SPATA17: variants seen among roughly 807,000 people sequenced by gnomAD.
The protein encoded by SPATA17 is spermatogenesis associated 17.
SPATA17 carries 53 observed loss-of-function variants against 62.2 expected under a neutral mutation model. The ratio of observed to expected loss-of-function variants is 0.85; its 90% CI spans 0.68 to 1.07. SPATA17 has a LOEUF of 1.07. SPATA17 is among the 50% of genes least tolerant of loss of function. The pLI is 0.00. For missense variants in SPATA17, 466 were observed against 425.5 expected (o/e 1.10, Z -0.84); for synonymous variants, 146 against 146.8 (o/e 0.99, Z 0.04).
intron 9 of SPATA17, among the ~76,000 whole-genome samples, chr1:217,861,145 T>A (rs2103016177): frequency 6.6e-6 from 1 of 152,154 alleles, no homozygotes; most frequent in Non-Finnish European, 1.5e-5. Context: ...TTTATTTCCC[T>A]TGTTCACAAG....
intron 6 of SPATA17, among the ~76,000 whole-genome samples, chr1:217,750,331 A>G (rs918230506): frequency 6.6e-6 from 1 of 152,098 alleles, no homozygotes; most frequent in Non-Finnish European, 1.5e-5. Flanking sequence ...CCTAGAGTAT[A>G]AAGACCCAAA....
In SPATA17 at chr1:217,742,208, G is replaced by C. The variant is rs1205172439; in HGVS notation, c.519+110G>C. 2.9e-6 allele frequency: 4 copies of C among 1,376,896 alleles called. No individual in the cohort carries two copies. The African/African-American group carries it at 5.8e-5, about 20-fold the overall frequency. The allele number at this position is 1,376,896 out of a possible 1,614,324, so 85.3% of individuals were successfully genotyped here. A position where few individuals can be genotyped will look rare whatever the true frequency, so the allele number is the denominator to read the frequency against. On this transcript the variant is annotated intron_variant, in intron 6 of 10. Transcript: ENST00000366933. Reference sequence around the variant, plus strand: ...TGACTTGTTGAAAAGATATCACAAAGACACTACTTCGAGTTCAATTTCGTG... The same window carrying C: ...TGACTTGTTGAAAAGATATCACAAACACACTACTTCGAGTTCAATTTCGTG...
intron 9 of SPATA17, among the ~76,000 whole-genome samples, chr1:217,852,678 C>T (rs1675693427): frequency 1.3e-5 from 2 of 151,974 alleles, no homozygotes; most frequent in South Asian, 4.1e-4. Flanking sequence ...GAAAACTTTC[C>T]CCCCCAAAAA....
At chr1:217,704,627 C>T (rs564657851) in intron 5 of SPATA17, among the ~76,000 whole-genome samples, 9 of 152,222 alleles carry the variant, frequency 5.9e-5, no homozygotes, top group African/African-American at 2.2e-4. Flanking sequence ...GTTTATTTCC[C>T]ACTTACAAGT....
chr1:217,831,472 T>C (rs926335618), intron 9 of SPATA17, among the ~76,000 whole-genome samples: 19 of 152,284 alleles, frequency 1.2e-4, no homozygotes, highest in African/African-American at 9.6e-5. Flanking sequence ...GGAAGCATAC[T>C]CATTTTCTCT....
chr1:217,794,517 G>T (rs534247668), intron 8 of SPATA17, among the ~76,000 whole-genome samples: 7 of 152,236 alleles, frequency 4.6e-5, no homozygotes, highest in African/African-American at 1.7e-4. Flanking sequence ...GCTGCATATG[G>T]CCTCCTGGGT....
At chr1:217,863,927 G>A (rs577549577) in intron 10 of SPATA17, among the ~76,000 whole-genome samples, 1 of 152,178 alleles carries the variant, frequency 6.6e-6, no homozygotes, top group Non-Finnish European at 1.5e-5. Flanking sequence ...GCACTAGGCT[G>A]TTAGAGCACA....
chr1:217,749,287 T>A (rs1309639647), intron 6 of SPATA17, among the ~76,000 whole-genome samples: 2 of 152,200 alleles, frequency 1.3e-5, no homozygotes, highest in Non-Finnish European at 2.9e-5. Context: ...CTCTTTTGTA[T>A]TTCCATGATA....
At position 217,672,042 on chromosome 1, in the gene SPATA17, T is replaced by G. The variant is rs1670842292; in HGVS notation, c.291+2959T>G. Among the ~76,000 whole-genome samples, 3 of 152,182 alleles carry G rather than the reference T, an allele frequency of 2.0e-5. No homozygotes were observed. In the South Asian group the frequency reaches 6.2e-4, roughly 32 times the overall value. On this transcript the variant is annotated intron_variant, in intron 4 of 10. Coordinates refer to ENST00000366933, the MANE Select transcript of SPATA17 (RefSeq NM_138796.4). Reference sequence around the variant, plus strand: ...GATCCAAGTGACCAGTGACTGGAACTGAAGCTGTCAGTGGACTCCAGCCAA... The same window carrying G: ...GATCCAAGTGACCAGTGACTGGAACGGAAGCTGTCAGTGGACTCCAGCCAA...
intron 5 of SPATA17, among the ~76,000 whole-genome samples, chr1:217,734,568 A>G (rs1672468748): frequency 6.6e-6 from 1 of 152,206 alleles, no homozygotes; most frequent in Non-Finnish European, 1.5e-5. Context: ...ATGAAAACAG[A>G]ATAAGGACAG....
At chr1:217,804,561 G>T (rs1674389122) in intron 9 of SPATA17, among the ~76,000 whole-genome samples, 1 of 152,122 alleles carries the variant, frequency 6.6e-6, no homozygotes, top group East Asian at 1.9e-4. Flanking sequence ...AAACCAAAAA[G>T]CTTTGCACAG....
At position 217,718,358 on chromosome 1, in the gene SPATA17, A is replaced by G. The variant is rs1672054015; in HGVS notation, c.396-23617A>G. Among the ~76,000 whole-genome samples, 3 of 152,196 alleles carry G rather than the reference A, an allele frequency of 2.0e-5. No homozygotes were observed. The South Asian group carries it at 6.2e-4, about 32-fold the overall frequency. ...CAACCAAAGGTAAGAACTCTGATTA[A>G]CTTCCACCTCTTCTTTCAGCCAGGA... On this transcript the variant is annotated intron_variant, in intron 5 of 10. Coordinates refer to ENST00000366933, the MANE Select transcript of SPATA17 (RefSeq NM_138796.4).
intron 5 of SPATA17, among the ~76,000 whole-genome samples, chr1:217,720,946 TGTAA>T (rs1169171751): frequency 1.3e-5 from 2 of 152,154 alleles, no homozygotes; most frequent in African/African-American, 4.8e-5. Flanking sequence ...ACTGAATCTG[TGTAA>T]GTGTGTATAT....
rs1359980459 is a variant in SPATA17, at chr1:217,867,044, C to T, written c.*25C>T. The T allele has an allele frequency of 6.6e-6, 1 of 151,860 alleles. No individual in the cohort carries two copies. Among genetic ancestry groups the T allele is most frequent in the Non-Finnish European group, 1.5e-5 (1 of 67,980 alleles). The allele number at this position is 151,860 out of a possible 1,614,324, so 9.4% of individuals were successfully genotyped here. ...TAGGCGTCAGAAGAAGAAACTGAAG[C>T]CATCTGCATTTTAAAACTTAACAGT... On this transcript the variant is annotated 3_prime_UTR_variant, in exon 11 of 11. Transcript: ENST00000366933.
intron 5 of SPATA17, among the ~76,000 whole-genome samples, chr1:217,737,106 AAGATTTTGG>A (rs986055407): frequency 6.6e-6 from 1 of 152,220 alleles, no homozygotes; most frequent in Non-Finnish European, 1.5e-5. Context: ...GTTAAAGGCA[AAGATTTTGG>A]AGTCAAACCC....
intron 5 of SPATA17, among the ~76,000 whole-genome samples, chr1:217,705,841 G>C (rs1334807530): frequency 2.0e-5 from 3 of 152,160 alleles, no homozygotes; most frequent in African/African-American, 7.2e-5. Context: ...TTATCTTCCA[G>C]GGTTTTTATA....
intron 9 of SPATA17, among the ~76,000 whole-genome samples, chr1:217,861,286 G>A (rs1484695381): frequency 6.6e-6 from 1 of 151,308 alleles, no homozygotes; most frequent in African/African-American, 2.4e-5. Flanking sequence ...ATTTCTTTAT[G>A]TAGAGCTGAA....
chr1:217,683,876 T>C (rs1671159071), intron 5 of SPATA17, among the ~76,000 whole-genome samples: 1 of 152,122 alleles, frequency 6.6e-6, no homozygotes. Flanking sequence ...TATTTATGTG[T>C]GTAGTATCTT....
At chr1:217,745,174 C>T (rs1040416779) in intron 6 of SPATA17, among the ~76,000 whole-genome samples, 2 of 152,166 alleles carry the variant, frequency 1.3e-5, no homozygotes, top group South Asian at 4.1e-4. Flanking sequence ...ATTCTCAAAT[C>T]GCTTCCCTTG....
Sources: allele counts gnomAD v4.1 joint callset (sites outside exome capture counted in the v4.1 genomes callset), GRCh38; gene constraint gnomAD v4.1.1; transcripts MANE v1.5; gene names NCBI Gene and HGNC (gene_info 2026-07-23, HGNC 2026-07-21).